CLCA2: variants seen among roughly 807,000 people sequenced by gnomAD.
CLCA2 encodes calcium-activated chloride channel regulator 2.
Under a neutral mutation model 82.9 loss-of-function variants are expected in CLCA2, and 85 were observed. The observed-to-expected ratio is 1.03, with a 90% CI of 0.86 to 1.23. CLCA2 has a LOEUF of 1.23. Ranked by LOEUF, CLCA2 falls within the 50% of genes most tolerant of loss-of-function variation. The pLI, the probability that CLCA2 is intolerant of heterozygous loss-of-function variation, is 0.00. For missense variants in CLCA2, 1,089 were observed against 1,124.8 expected (o/e 0.97, Z 0.45); for synonymous variants, 421 against 391.7 (o/e 1.07, Z -0.88).
At chr1:86,430,805 G>C (rs12076908) in intron 3 of CLCA2, 57 bp from the exon 4 acceptor site, 43,760 of 1,287,526 alleles carry the variant, frequency 0.034, 1,094 homozygotes, top group African/African-American at 0.091. Context: ...TCACTAGTTA[G>C]CAAGGCACAT....
At chr1:86,425,225 A>G (rs1385204074) in intron 1 of CLCA2, 114 bp from the exon 2 acceptor site, 4 of 663,072 alleles carry the variant, frequency 6.0e-6, no homozygotes, top group Non-Finnish European at 9.1e-6. Context: ...TCTAAAAGAA[A>G]TGGGTCTCTT....
At position 86,430,771 on chromosome 1, in the gene CLCA2, G is replaced by A. The variant is rs146906197; in HGVS notation, c.476-91G>A. Reference sequence around the variant, plus strand: ...ACTCTTTGGTCATTCCAAAGAGTATGTGTGGTCAAGAAATGTTACGTCTTC... The same window carrying A: ...ACTCTTTGGTCATTCCAAAGAGTATATGTGGTCAAGAAATGTTACGTCTTC... On this transcript the variant is annotated intron_variant, in intron 3 of 13. Transcript: ENST00000370565. The A allele has an allele frequency of 1.2e-3, 1,076 of 916,668 alleles. 6 individuals carry two copies. The African/African-American group carries it at 0.014, about 12-fold the overall frequency. The allele number at this position is 916,668 out of a possible 1,614,324, so 56.8% of individuals were successfully genotyped here. A position where few individuals can be genotyped will look rare whatever the true frequency, so the allele number is the denominator to read the frequency against.
intron 9 of CLCA2, among the ~76,000 whole-genome samples, 159 bp downstream of exon 9, chr1:86,441,702 G>A (rs1662740202): frequency 6.6e-6 from 1 of 152,222 alleles, no homozygotes; most frequent in South Asian, 2.1e-4. Context: ...CATCACCAGA[G>A]CCAGGCTTTC....
intron 10 of CLCA2, chr1:86,445,356 C>CTTTTTTTTTTTTTTTTTTTTTTTTTT (rs1190239314): frequency 1.1e-5 from 1 of 88,946 alleles, no homozygotes; most frequent in African/African-American, 4.5e-5. Context: ...AAGTGTTAAC[C>CTTTTTTTTTTTTTTTTTTTTTTTTTT]TTTTTTTTTT....
intron 6 of CLCA2, among the ~76,000 whole-genome samples, chr1:86,437,687 G>T (rs1247054126): frequency 1.3e-5 from 2 of 152,148 alleles, no homozygotes; most frequent in Non-Finnish European, 2.9e-5. Context: ...ATGGATTTGA[G>T]AGAAATTTAA....
chr1:86,432,650 C>A, intron 5 of CLCA2, 122 bp downstream of exon 5: 1 of 1,146,166 alleles, frequency 8.7e-7, no homozygotes, highest in Non-Finnish European at 1.2e-6. Flanking sequence ...CCCTAGAGTT[C>A]ATCTAGTTTT....
At chr1:86,450,827 AAGAG>A in intron 12 of CLCA2, 94 bp downstream of exon 12, 2 of 1,147,196 alleles carry the variant, frequency 1.7e-6, no homozygotes, top group Admixed American at 5.8e-5. Context: ...GAGTGAGAGA[AAGAG>A]AGAATTTCAA....
In CLCA2 at chr1:86,428,492, A is replaced by T. The variant is rs1662431815; in HGVS notation, c.399A>T (p.Gly133=). Residue 133 remains glycine (G), a synonymous_variant, in exon 3 of 14, where the codon GGA becomes GGT. Transcript: ENST00000370565. ...ACACCCTACAATACAGAGGGTGTGG[A>T]AAAGAGGGAAAATACATTCATTTCA... ...DPYTLQYRGC[G]KEGKYIHFTP... 1 of 1,613,658 alleles carries T rather than the reference A, an allele frequency of 6.2e-7. No individual in the cohort carries two copies. The highest frequency in any genetic ancestry group is 1.7e-5 in the Admixed American group (1 of 59,988).
intron 3 of CLCA2, among the ~76,000 whole-genome samples, chr1:86,430,068 C>A (rs1662463568): frequency 6.6e-6 from 1 of 151,986 alleles, no homozygotes; most frequent in Non-Finnish European, 1.5e-5. Flanking sequence ...GTCAACTCAG[C>A]ACACACTTCC....
intron 1 of CLCA2, among the ~76,000 whole-genome samples, chr1:86,424,673 T>C (rs1490420485): frequency 6.6e-6 from 1 of 152,240 alleles, no homozygotes; most frequent in Non-Finnish European, 1.5e-5. Context: ...TGGTTGCTAC[T>C]AATTTCAGCT....
intron 11 of CLCA2, among the ~76,000 whole-genome samples, chr1:86,449,381 T>C (rs774525316): frequency 2.0e-5 from 3 of 152,162 alleles, no homozygotes; most frequent in Non-Finnish European, 4.4e-5. Flanking sequence ...CCCAAGCCAA[T>C]GTTCTTTCCC....
intron 3 of CLCA2, among the ~76,000 whole-genome samples, chr1:86,428,779 T>A (rs1303586511): frequency 1.3e-5 from 2 of 152,154 alleles, no homozygotes; most frequent in Admixed American, 1.3e-4. Context: ...AGAGGAGTGC[T>A]ATAAGAATTC....
rs1662946690 is a variant in CLCA2, at chr1:86,450,716, C to G, written c.2138C>G (p.Pro713Arg). Residue 713 changes from proline (P) to arginine (R), a missense_variant, in exon 12 of 14, where the codon CCA becomes CGA. Pro to Arg is a moderately radical substitution (Grantham distance 103). Transcript: ENST00000370565. ...SIPGSHAMYV[P>R]GYTANGNIQM... is the part of the protein sequence containing the mutation. ...CCAGGGAGTCATGCTATGTATGTAC[C>G]AGGTTACACAGCAAACGGTAAGAAC... The G allele has an allele frequency of 6.2e-7, 1 of 1,602,838 alleles. No individual in the cohort carries two copies. Among genetic ancestry groups the G allele is most frequent in the African/African-American group, 1.3e-5 (1 of 74,654 alleles).
chr1:86,439,672 C>T (rs1363610260), intron 7 of CLCA2, among the ~76,000 whole-genome samples: 1 of 152,110 alleles, frequency 6.6e-6, no homozygotes, highest in Non-Finnish European at 1.5e-5. Flanking sequence ...TGGTCTAAAC[C>T]TTGGCTATCT....
chr1:86,450,977 G>A (rs17129186), intron 12 of CLCA2, among the ~76,000 whole-genome samples: 3,546 of 152,220 alleles, frequency 0.023, 129 homozygotes, highest in African/African-American at 0.075. Context: ...TCATTATGTT[G>A]ACCTCTTTCT....
chr1:86,448,582 G>T (rs1321177737), intron 11 of CLCA2: 1 of 152,016 alleles, frequency 6.6e-6, no homozygotes, highest in Non-Finnish European at 1.5e-5. Flanking sequence ...CCTGCCTCTT[G>T]GCAGCCCGAA....
intron 6 of CLCA2, among the ~76,000 whole-genome samples, chr1:86,437,154 G>A (rs1303818847): frequency 6.6e-6 from 1 of 152,216 alleles, no homozygotes; most frequent in Non-Finnish European, 1.5e-5. Flanking sequence ...TAAGCCCAAA[G>A]TAACAAACTC....
At chr1:86,453,665 G>C in intron 13 of CLCA2, 63 bp downstream of exon 13, 1 of 1,382,450 alleles carries the variant, frequency 7.2e-7, no homozygotes, top group Non-Finnish European at 1.0e-6. Context: ...ACTAGGTCAG[G>C]GGCTAGTAGA....
chr1:86,428,142 G>A (rs937505013), intron 2 of CLCA2, among the ~76,000 whole-genome samples: 1 of 152,132 alleles, frequency 6.6e-6, no homozygotes, highest in African/African-American at 2.4e-5. Context: ...AAGATCAAAT[G>A]GAAGTAATTA....
Sources: gnomAD v4.1 joint callset for allele counts (sites outside exome capture counted in the v4.1 genomes callset) on GRCh38, gnomAD v4.1.1 for gene constraint, MANE v1.5 for transcripts, NCBI Gene and HGNC (gene_info 2026-07-23, HGNC 2026-07-21) for gene names.